CACNA1C: variants seen among roughly 807,000 people sequenced by gnomAD.
The protein encoded by CACNA1C is voltage-dependent L-type calcium channel subunit alpha-1C.
CACNA1C carries 30 observed loss-of-function variants against 229.0 expected under a neutral mutation model. The observed-to-expected ratio is 0.13, with a 90% CI of 0.10 to 0.18. CACNA1C has a LOEUF of 0.18. CACNA1C is among the 10% of genes least tolerant of loss of function. CACNA1C has a pLI of 1.00. For synonymous variants in CACNA1C, 1,114 were observed against 1,132.5 expected, an observed-to-expected ratio of 0.98 and a Z score of 0.33; for missense variants, 1,658 against 2,845.0, an observed-to-expected ratio of 0.58 and a Z score of 9.49.
Position 2,512,619 on chromosome 12 carries a change from A to G in CACNA1C, c.1218-193A>G, listed in dbSNP as rs1193726699. Among the ~76,000 whole-genome samples, 4 of 152,118 alleles carry G rather than the reference A, an allele frequency of 2.6e-5. No homozygotes were observed. Among genetic ancestry groups the G allele is most frequent in the Admixed American group, 2.0e-4 (3 of 15,268 alleles). ...CTTACTGACGCTTCCCATCGAGGTG[A>G]TAGTAGACCTAACCTAGGCTGACTA... On this transcript the variant is annotated intron_variant, in intron 8 of 46. Coordinates refer to ENST00000399655, the MANE Select transcript of CACNA1C (RefSeq NM_000719.7). The surrounding 1 kb of genome is among the most constrained non-coding windows in gnomAD (Gnocchi z 4.3).
intron 1 of CACNA1C, among the ~76,000 whole-genome samples, chr12:2,061,309 A>G (rs1200090060): frequency 3.3e-5 from 5 of 152,244 alleles, no homozygotes; most frequent in Non-Finnish European, 7.3e-5. Context: ...CCATGAAGTA[A>G]CATTCACAGC....
intron 9 of CACNA1C, among the ~76,000 whole-genome samples, chr12:2,523,510 C>G (rs1395616984): frequency 6.6e-6 from 1 of 152,148 alleles, no homozygotes; most frequent in Admixed American, 6.5e-5. Context: ...TCTGATGATT[C>G]TGGGCTGTGC....
rs2097009088 is a variant in CACNA1C, at chr12:2,346,103, A to C, written c.478-102873A>C. ...CCATTTAGAACCGCTGAAGCTCCCC[A>C]GGTGCACCAGGAGCCTTCCCAAGAC... On this transcript the variant is annotated intron_variant, in intron 3 of 46. Transcript: ENST00000399655. This position sits in a 1 kb window ranked among gnomAD's most constrained non-coding sequence, Gnocchi z 4.4. Among the ~76,000 whole-genome samples the C allele has an allele frequency of 1.3e-5, 2 of 152,122 alleles. No homozygotes were observed.
At chr12:2,274,033 C>G (rs1566815505) in intron 3 of CACNA1C, among the ~76,000 whole-genome samples, 1 of 152,226 alleles carries the variant, frequency 6.6e-6, no homozygotes, top group Non-Finnish European at 1.5e-5. Context: ...CAGGAGCTAT[C>G]CTGGCCTCAG....
intron 3 of CACNA1C, among the ~76,000 whole-genome samples, chr12:2,365,800 T>C (rs2097705143): frequency 6.6e-6 from 1 of 152,112 alleles, no homozygotes; most frequent in African/African-American, 2.4e-5. Flanking sequence ...AATCACATTG[T>C]AAATCAAGGG....
At chr12:2,461,207 C>T (rs1407040937) in intron 5 of CACNA1C, among the ~76,000 whole-genome samples, 1 of 152,222 alleles carries the variant, frequency 6.6e-6, no homozygotes, top group Non-Finnish European at 1.5e-5. Flanking sequence ...ACCGTTACCG[C>T]ACCCAGTGCT....
chr12:2,305,429 C>T (rs2154478535), intron 3 of CACNA1C, among the ~76,000 whole-genome samples: 1 of 152,354 alleles, frequency 6.6e-6, no homozygotes. Context: ...CATATCTGTC[C>T]TTCTGTTGAT....
At chr12:2,179,062 AAAATAAAT>A (rs143622353) in intron 3 of CACNA1C, among the ~76,000 whole-genome samples, 2 of 151,546 alleles carry the variant, frequency 1.3e-5, no homozygotes. Flanking sequence ...ACTCTGTCTC[AAAATAAAT>A]AAATAAATAA....
chr12:2,610,512 A>C, intron 27 of CACNA1C, 29 bp from the exon 28 acceptor site: 2 of 1,593,868 alleles, frequency 1.3e-6, no homozygotes. Flanking sequence ...AACTAACCCC[A>C]CTCTCCCCAT....
intron 10 of CACNA1C, among the ~76,000 whole-genome samples, chr12:2,556,219 C>G (rs2044179147): frequency 6.6e-6 from 1 of 152,148 alleles, no homozygotes. Flanking sequence ...AGCCTCCTGC[C>G]TCCCCTGGAC....
rs112658046 is a variant in CACNA1C at position 2,483,413 on chromosome 12, C to T, written c.758-2691C>T. 7.8e-3 allele frequency among the ~76,000 whole-genome samples: 1,186 copies of T among 152,212 alleles called. 19 individuals carry two copies. The highest frequency in any genetic ancestry group is 0.027 in the African/African-American group (1,116 of 41,520). The stretch of plus-strand genomic sequence containing the variant: ...CCCGGGAGACCAGTTGACAAAATGA[C>T]GAGCACCAAGGGGACAGAGAGGAGG... On this transcript the variant is annotated intron_variant, in intron 5 of 46. Transcript: ENST00000399655.
intron 7 of CACNA1C, among the ~76,000 whole-genome samples, chr12:2,497,422 G>A (rs571933389): frequency 5.3e-4 from 81 of 152,306 alleles, no homozygotes; most frequent in Admixed American, 8.5e-4. Context: ...TGAGAATTGT[G>A]GAAGGGGGGC....
At chr12:2,060,657 G>A (rs80182614) in intron 1 of CACNA1C, among the ~76,000 whole-genome samples, 2,511 of 152,344 alleles carry the variant, frequency 0.016, 37 homozygotes, top group Non-Finnish European at 0.024. Context: ...TTCCCTGGAG[G>A]AAGCCATCAT....
At chr12:2,331,198 A>G (rs16929278) in intron 3 of CACNA1C, among the ~76,000 whole-genome samples, 18,023 of 152,206 alleles carry the variant, frequency 0.12, 2,862 homozygotes, top group African/African-American at 0.36. Context: ...AAAAAGAAAT[A>G]CCATGTTAAT....
rs150220054 is a variant in CACNA1C at position 2,384,924 on chromosome 12, C to T, written c.478-64052C>T. Among the ~76,000 whole-genome samples, 953 of 152,282 alleles carry T rather than the reference C, an allele frequency of 6.3e-3. 6 individuals carry two copies. Among genetic ancestry groups the T allele is most frequent in the African/African-American group, 0.022 (909 of 41,542 alleles). ...CCAGAAGGTACGTCTCTGTCCCATTCGGCTTTATTAGACGCCATCTGGAAA... is the reference window on the plus strand; with the variant it reads ...CCAGAAGGTACGTCTCTGTCCCATTTGGCTTTATTAGACGCCATCTGGAAA... On this transcript the variant is annotated intron_variant, in intron 3 of 46. Coordinates refer to ENST00000399655, the MANE Select transcript of CACNA1C (RefSeq NM_000719.7).
chr12:2,211,429 C>G (rs1462503858), intron 3 of CACNA1C, among the ~76,000 whole-genome samples: 2 of 152,178 alleles, frequency 1.3e-5, no homozygotes, highest in Non-Finnish European at 2.9e-5. Context: ...ACTCTAACTT[C>G]TCTAGAGGCA....
At chr12:2,102,682 C>T (rs566907681) in intron 1 of CACNA1C, among the ~76,000 whole-genome samples, 21 of 151,976 alleles carry the variant, frequency 1.4e-4, no homozygotes, top group Non-Finnish European at 2.6e-4. Flanking sequence ...TTTGCTTCGC[C>T]CATCAACCCA....
chr12:2,250,891 C>A (rs889066010), intron 3 of CACNA1C, among the ~76,000 whole-genome samples: 9 of 152,220 alleles, frequency 5.9e-5, no homozygotes, highest in African/African-American at 2.2e-4. Flanking sequence ...CTCTCCCTAA[C>A]CAGCCCAGGC....
chr12:2,651,469 C>T lies in CACNA1C; in HGVS notation c.3946-171C>T. On this transcript the variant is annotated intron_variant, in intron 31 of 46. Coordinates refer to ENST00000399655, the MANE Select transcript of CACNA1C (RefSeq NM_000719.7). This position sits in a 1 kb window ranked among gnomAD's most constrained non-coding sequence, Gnocchi z 5.4. The stretch of plus-strand genomic sequence containing the variant: ...GCAGAGACCATGGGGCTGGGCTGTC[C>T]ACTCATTAAAGTGGGCGGCCGCCCT... 2.4e-6 allele frequency: 2 copies of T among 844,088 alleles called. No homozygotes were observed. The highest frequency in any genetic ancestry group is 2.1e-5 in the Admixed American group (1 of 47,442). 52.3% of individuals were successfully genotyped at this position (844,088 alleles called of 1,614,324 possible). A position where few individuals can be genotyped will look rare whatever the true frequency, so the allele number is the denominator to read the frequency against.
Sources: allele counts gnomAD v4.1 joint callset (sites outside exome capture counted in the v4.1 genomes callset), GRCh38; gene constraint gnomAD v4.1.1; non-coding constraint Gnocchi (gnomAD v3.1); transcripts MANE v1.5; gene names NCBI Gene and HGNC (gene_info 2026-07-23, HGNC 2026-07-21).